SYNPR: variants seen among roughly 807,000 people sequenced by gnomAD.
SYNPR encodes the protein synaptoporin.
SYNPR carries 23 observed loss-of-function variants against 32.9 expected under a neutral mutation model. That is an observed-to-expected ratio of 0.70 (90% confidence interval 0.50 to 0.99). The LOEUF is 0.99. SYNPR is among the 50% of genes least tolerant of loss of function. SYNPR has a pLI of 0.00. For missense variants in SYNPR, 318 were observed against 349.3 expected, an observed-to-expected ratio of 0.91 and a Z score of 0.71; for synonymous variants, 146 against 135.9, an observed-to-expected ratio of 1.07 and a Z score of -0.52.
chr3:63,444,771 C>G (rs1261125852), intron 2 of SYNPR, among the ~76,000 whole-genome samples: 1 of 152,088 alleles, frequency 6.6e-6, no homozygotes, highest in South Asian at 2.1e-4. Flanking sequence ...TGAAGCTACT[C>G]ATTTTGACAA....
intron 3 of SYNPR, among the ~76,000 whole-genome samples, chr3:63,505,338 T>C (rs1701567410): frequency 1.3e-5 from 2 of 152,212 alleles, no homozygotes; most frequent in Non-Finnish European, 2.9e-5. Context: ...AATTTTGGAA[T>C]GAGGTTTTAA....
chr3:63,472,088 C>T (rs936255481), intron 2 of SYNPR, among the ~76,000 whole-genome samples: 2 of 152,168 alleles, frequency 1.3e-5, no homozygotes, highest in South Asian at 4.2e-4. Flanking sequence ...GCAATGGGGA[C>T]GATCAGGGCT....
intron 3 of SYNPR, among the ~76,000 whole-genome samples, chr3:63,519,458 T>A (rs1418259550): frequency 6.6e-6 from 1 of 152,190 alleles, no homozygotes; most frequent in African/African-American, 2.4e-5. Context: ...TTCCCTGAGT[T>A]CCCTTCTTCG....
intron 1 of SYNPR, among the ~76,000 whole-genome samples, chr3:63,230,816 C>G (rs538089096): frequency 1.2e-4 from 19 of 152,248 alleles, no homozygotes; most frequent in African/African-American, 4.6e-4. Context: ...ATCTCAGTCC[C>G]TGAAACTTAT....
rs1701238173 is a variant in SYNPR, at chr3:63,490,511, T to C, written c.209+9555T>C. Among the ~76,000 whole-genome samples the C allele has an allele frequency of 2.6e-5, 4 of 152,028 alleles. No individual in the cohort carries two copies. In the South Asian group the frequency reaches 8.4e-4, roughly 32 times the overall value. Reference sequence around the variant, plus strand: ...CTGCAGCCGTCCAAGGAAAAGATGGTGGTGGGTTGGCCCAGGGTGGAGGCA... The same window carrying C: ...CTGCAGCCGTCCAAGGAAAAGATGGCGGTGGGTTGGCCCAGGGTGGAGGCA... On this transcript the variant is annotated intron_variant, in intron 3 of 5. Coordinates refer to ENST00000478300, the MANE Select transcript of SYNPR (RefSeq NM_001130003.2).
At chr3:63,209,814 C>T in the SYNPR span, among the ~76,000 whole-genome samples, 1 of 152,142 alleles carries the variant, frequency 6.6e-6, no homozygotes, top group African/African-American at 2.4e-5. Context: ...CAATTTTAGT[C>T]AAATAGCTAA....
intron 2 of SYNPR, among the ~76,000 whole-genome samples, chr3:63,462,113 C>T (rs1396924108): frequency 6.6e-6 from 1 of 152,016 alleles, no homozygotes; most frequent in Admixed American, 6.6e-5. Context: ...CAAGTTCTTG[C>T]CCTTCACAGA....
chr3:63,434,199 A>G (rs992144076), intron 2 of SYNPR, among the ~76,000 whole-genome samples: 1 of 152,224 alleles, frequency 6.6e-6, no homozygotes, highest in East Asian at 1.9e-4. Context: ...CTGGAGGCAT[A>G]GTGGTTTAAC....
chr3:63,480,450 G>A (rs1701023620), intron 2 of SYNPR, among the ~76,000 whole-genome samples: 1 of 152,106 alleles, frequency 6.6e-6, no homozygotes, highest in African/African-American at 2.4e-5. Context: ...AGAAAGCAAG[G>A]ATACACCCCC....
intron 2 of SYNPR, among the ~76,000 whole-genome samples, chr3:63,404,274 T>C (rs2088329820): frequency 6.6e-6 from 1 of 152,230 alleles, no homozygotes; most frequent in Non-Finnish European, 1.5e-5. Flanking sequence ...ATGTGAATGA[T>C]GTTTTAACAG....
In SYNPR at chr3:63,615,338, T is replaced by C; in HGVS notation, c.715T>C (p.Ser239Pro). ...RYLSDPMEKH[S>P]SSYNQGGYNQ... ...TCTTTCAGATCCAATGGAGAAGCAC[T>C]CCAGCAGCTATAATCAAGGTGGTTA... The change falls in exon 6 of 6, where the codon TCC becomes CCC. Residue 239 changes from serine to proline, a missense_variant. Coordinates refer to ENST00000478300, the MANE Select transcript of SYNPR (RefSeq NM_001130003.2). 6.2e-7 allele frequency: 1 copy of C among 1,613,918 alleles called. No homozygotes were observed. The highest frequency in any genetic ancestry group is 1.1e-5 in the South Asian group (1 of 91,064).
chr3:63,513,193 T>G (rs941905890), intron 3 of SYNPR, among the ~76,000 whole-genome samples: 5 of 123,416 alleles, frequency 4.1e-5, no homozygotes, highest in Admixed American at 3.8e-4. Context: ...AAGGAGAATT[T>G]GTTGTCCATT....
At chr3:63,422,463 A>T (rs1699817017) in intron 2 of SYNPR, among the ~76,000 whole-genome samples, 1 of 152,194 alleles carries the variant, frequency 6.6e-6, no homozygotes. Flanking sequence ...GCACAAGGAA[A>T]CTTAGAGGTG....
intron 2 of SYNPR, among the ~76,000 whole-genome samples, chr3:63,299,899 G>A (rs1308424295): frequency 6.6e-6 from 1 of 152,122 alleles, no homozygotes; most frequent in Non-Finnish European, 1.5e-5. Context: ...ACAGTCATTT[G>A]TATGTTGGGG....
At chr3:63,484,603 T>G (rs2106703864) in intron 3 of SYNPR, among the ~76,000 whole-genome samples, 1 of 151,952 alleles carries the variant, frequency 6.6e-6, no homozygotes, top group South Asian at 2.1e-4. Flanking sequence ...CTGCAAACAC[T>G]TATTGCAAGG....
At chr3:63,387,557 T>G (rs956790466) in intron 2 of SYNPR, among the ~76,000 whole-genome samples, 1 of 152,154 alleles carries the variant, frequency 6.6e-6, no homozygotes, top group Non-Finnish European at 1.5e-5. Flanking sequence ...TTTTTACATC[T>G]CTTCAGCAGC....
intron 2 of SYNPR, among the ~76,000 whole-genome samples, chr3:63,441,461 C>A (rs1056790598): frequency 2.0e-4 from 31 of 152,314 alleles, no homozygotes; most frequent in African/African-American, 7.2e-4. Context: ...TGCCCCTTAT[C>A]AGCCACCTGG....
At chr3:63,336,766 A>G (rs1033812358) in intron 2 of SYNPR, among the ~76,000 whole-genome samples, 1 of 152,116 alleles carries the variant, frequency 6.6e-6, no homozygotes, top group Non-Finnish European at 1.5e-5. Flanking sequence ...CATTAAAATT[A>G]AAAACTTCTG....
chr3:63,402,762 T>C (rs979579494), intron 2 of SYNPR, among the ~76,000 whole-genome samples: 9 of 152,220 alleles, frequency 5.9e-5, no homozygotes, highest in Non-Finnish European at 1.0e-4. Context: ...ATATCCCCAG[T>C]TCCTGGTACA....
Sources: gnomAD v4.1 joint callset for allele counts (sites outside exome capture counted in the v4.1 genomes callset) on GRCh38, gnomAD v4.1.1 for gene constraint, MANE v1.5 for transcripts, NCBI Gene and HGNC (gene_info 2026-07-23, HGNC 2026-07-21) for gene names.